The following HCN1 variants were observed in gnomAD, a reference collection of about 807,000 sequenced individuals.
HCN1 encodes the protein potassium/sodium hyperpolarization-activated cyclic nucleotide-gated channel 1.
A neutral mutation model predicts 78.9 loss-of-function variants in HCN1; 13 were observed. The ratio of observed to expected loss-of-function variants is 0.16; its 90% CI spans 0.11 to 0.26. The LOEUF is 0.26. Among genes scored for constraint, HCN1 ranks in the 10% least tolerant of loss-of-function variants. The pLI is 1.00. For synonymous variants in HCN1, 552 were observed against 455.5 expected (o/e 1.21, Z -2.70); for missense variants, 810 against 1,154.3 (o/e 0.70, Z 4.32).
chr5:45,541,509 C>A (rs137964392), intron 2 of HCN1, among the ~76,000 whole-genome samples: 356 of 152,262 alleles, frequency 2.3e-3, no homozygotes, highest in African/African-American at 8.1e-3. Flanking sequence ...TGTGTTCTTT[C>A]ATTGAATCTT....
chr5:45,335,799 T>G (rs1243104271), intron 5 of HCN1, among the ~76,000 whole-genome samples: 3 of 152,066 alleles, frequency 2.0e-5, no homozygotes, highest in Non-Finnish European at 4.4e-5. Context: ...GAAGCAGTTA[T>G]GATCATTATT....
At chr5:45,651,826 T>C (rs764987320) in intron 1 of HCN1, among the ~76,000 whole-genome samples, 1 of 152,052 alleles carries the variant, frequency 6.6e-6, no homozygotes, top group East Asian at 1.9e-4. Context: ...TTATTATCCA[T>C]GGAGGGTGGG....
chr5:45,265,811 G>A (rs1744844542), intron 7 of HCN1, among the ~76,000 whole-genome samples: 1 of 152,062 alleles, frequency 6.6e-6, no homozygotes, highest in South Asian at 2.1e-4. Context: ...GAATGTAATG[G>A]TGAATTAAAC....
intron 2 of HCN1, among the ~76,000 whole-genome samples, chr5:45,498,894 T>C (rs1742120442): frequency 6.6e-6 from 1 of 152,112 alleles, no homozygotes. Flanking sequence ...TTAGGCTGCT[T>C]GGGGGTCAGG....
rs141851881 is a variant in HCN1 at position 45,281,468 on chromosome 5, C to T, written c.1619-14215G>A. 2.3e-3 allele frequency among the ~76,000 whole-genome samples: 345 copies of T among 151,910 alleles called. 5 individuals carry two copies. Among genetic ancestry groups the T allele is most frequent in the African/African-American group, 7.8e-3 (323 of 41,424 alleles). On this transcript the variant is annotated intron_variant, in intron 6 of 7. Coordinates refer to ENST00000303230, the MANE Select transcript of HCN1 (RefSeq NM_021072.4). Reference sequence around the variant, plus strand: ...TTAAATTTCTTTTCTTCATAAATTACCCAGTCTCAGGAAGTTTCTTATAGC... The same window carrying T: ...TTAAATTTCTTTTCTTCATAAATTATCCAGTCTCAGGAAGTTTCTTATAGC...
At position 45,450,371 on chromosome 5, in the gene HCN1, C is replaced by T. The variant is rs141939359; in HGVS notation, c.1011+11475G>A. Among the ~76,000 whole-genome samples, 49 of 152,276 alleles carry T rather than the reference C, an allele frequency of 3.2e-4. No individual in the cohort carries two copies. In the East Asian group the frequency reaches 6.6e-3, roughly 20 times the overall value. On this transcript the variant is annotated intron_variant, in intron 3 of 7. Coordinates refer to ENST00000303230, the MANE Select transcript of HCN1 (RefSeq NM_021072.4). ...CATTGATGGAAAATAGAAGGTAGTA[C>T]AAGTAAGGAGACTGTGGTCTTAGTT...
chr5:45,279,514 A>G (rs1481402654), intron 6 of HCN1, among the ~76,000 whole-genome samples: 1 of 152,186 alleles, frequency 6.6e-6, no homozygotes, highest in Non-Finnish European at 1.5e-5. Flanking sequence ...TATTTTGTTA[A>G]TGTTTTATTG....
intron 7 of HCN1, 26 bp downstream of exon 7, chr5:45,267,063 A>G (rs1432959438): frequency 6.3e-7 from 1 of 1,585,930 alleles, no homozygotes; most frequent in East Asian, 2.2e-5. Context: ...TAAATTTTAT[A>G]TAAAGAAGGT....
At chr5:45,273,113 A>G (rs1023252542) in intron 6 of HCN1, among the ~76,000 whole-genome samples, 2 of 152,096 alleles carry the variant, frequency 1.3e-5, no homozygotes, top group Non-Finnish European at 2.9e-5. Flanking sequence ...TAAATTGTAA[A>G]AGTAATGGGG....
intron 2 of HCN1, among the ~76,000 whole-genome samples, chr5:45,640,975 G>T (rs773700332): frequency 1.3e-5 from 2 of 151,988 alleles, no homozygotes; most frequent in African/African-American, 2.4e-5. Flanking sequence ...ACAGAAAAGA[G>T]TTGGGTGCAA....
At chr5:45,271,973 G>A (rs1045571668) in intron 6 of HCN1, among the ~76,000 whole-genome samples, 5 of 152,062 alleles carry the variant, frequency 3.3e-5, no homozygotes, top group Non-Finnish European at 7.4e-5. Flanking sequence ...AGGAGAAATA[G>A]TCATTAAGAA....
At chr5:45,695,378 G>A (rs1012783744) in intron 1 of HCN1, among the ~76,000 whole-genome samples, 2 of 152,162 alleles carry the variant, frequency 1.3e-5, no homozygotes, top group African/African-American at 4.8e-5. Flanking sequence ...CTCCTCCCAG[G>A]AGGGTGACCG....
chr5:45,434,497 G>A (rs530420592), intron 3 of HCN1, among the ~76,000 whole-genome samples: 74 of 152,290 alleles, frequency 4.9e-4, no homozygotes, highest in Non-Finnish European at 8.2e-4. Context: ...ATACTAGAAC[G>A]TAGAAATTAA....
At chr5:45,605,302 G>T (rs1744702179) in intron 2 of HCN1, among the ~76,000 whole-genome samples, 1 of 151,798 alleles carries the variant, frequency 6.6e-6, no homozygotes, top group African/African-American at 2.4e-5. Context: ...TTTAACTCTA[G>T]AATTGTTTTT....
intron 2 of HCN1, among the ~76,000 whole-genome samples, chr5:45,476,837 C>G (rs1252841042): frequency 6.6e-6 from 1 of 152,072 alleles, no homozygotes; most frequent in Non-Finnish European, 1.5e-5. Flanking sequence ...TTAATGCAAA[C>G]TTTGTTTCAT....
intron 3 of HCN1, among the ~76,000 whole-genome samples, chr5:45,448,800 GTACTGACTTGAGAAGTATAA>G (rs1403086099): frequency 1.3e-5 from 2 of 152,138 alleles, no homozygotes; most frequent in Non-Finnish European, 1.5e-5. Context: ...TAGCTTTTGT[GTACTGACTTGAGAAGTATAA>G]TAAAAATTGT....
chr5:45,539,653 A>C (rs1743050677), intron 2 of HCN1, among the ~76,000 whole-genome samples: 1 of 149,884 alleles, frequency 6.7e-6, no homozygotes, highest in African/African-American at 2.4e-5. Context: ...TGACAGAGCG[A>C]GACTCTGTCT....
intron 4 of HCN1, among the ~76,000 whole-genome samples, chr5:45,378,203 C>T (rs533155856): frequency 1.3e-5 from 2 of 152,010 alleles, no homozygotes; most frequent in South Asian, 4.2e-4. Flanking sequence ...GGAAGAAAAC[C>T]AGGGTTCCAA....
Position 45,342,967 on chromosome 5 carries a change from C to A in HCN1, c.1377+10133G>T, listed in dbSNP as rs559246336. Among the ~76,000 whole-genome samples, 8 of 152,214 alleles carry A rather than the reference C, an allele frequency of 5.3e-5. No homozygotes were observed. In the East Asian group the frequency reaches 1.5e-3, roughly 29 times the overall value. On this transcript the variant is annotated intron_variant, in intron 5 of 7. Coordinates refer to ENST00000303230, the MANE Select transcript of HCN1 (RefSeq NM_021072.4). ...GCACTCTTATATTACGGACTAAGTA[C>A]ACTGAGGGCCAGAGAAAGGAGATAT...
Sources: gnomAD v4.1 joint callset for allele counts (sites outside exome capture counted in the v4.1 genomes callset) on GRCh38, gnomAD v4.1.1 for gene constraint, MANE v1.5 for transcripts, NCBI Gene and HGNC (gene_info 2026-07-23, HGNC 2026-07-21) for gene names.